Variants in DYM observed in about 807,000 individuals in gnomAD.
DYM encodes the protein dymeclin, also known as dyggve-Melchior-Clausen syndrome protein.
In DYM, 78 loss-of-function variants were observed where a neutral mutation model predicts 93.1. The ratio of observed to expected loss-of-function variants is 0.84; its 90% CI spans 0.70 to 1.01. The LOEUF (loss-of-function observed/expected upper bound fraction) is 1.01. Ranked by LOEUF, DYM falls within the 50% of genes least tolerant of loss-of-function variation. The probability of loss-of-function intolerance (pLI) is 0.00; values close to 1 mark genes in which losing one functional copy is unlikely to be tolerated. For synonymous variants in DYM, 321 were observed against 319.7 expected (o/e 1.00, Z -0.04); for missense variants, 789 against 845.0 (o/e 0.93, Z 0.82).
At chr18:49,073,828 A>G (rs1168142576) in intron 17 of DYM, among the ~76,000 whole-genome samples, 1 of 151,984 alleles carries the variant, frequency 6.6e-6, no homozygotes, top group Non-Finnish European at 1.5e-5. Flanking sequence ...CACAAGACAC[A>G]TTCTTTTTTT....
intron 17 of DYM, among the ~76,000 whole-genome samples, chr18:49,066,170 T>C (rs915233359): frequency 1.3e-4 from 19 of 148,390 alleles, no homozygotes. Flanking sequence ...CACCAACCTA[T>C]AGCAGAAGGT....
intron 13 of DYM, among the ~76,000 whole-genome samples, chr18:49,235,473 GATGTA>G (rs951659862): frequency 6.6e-6 from 1 of 151,866 alleles, no homozygotes; most frequent in African/African-American, 2.4e-5. Context: ...TTTAAAAATA[GATGTA>G]ATGATATAAG....
intron 8 of DYM, among the ~76,000 whole-genome samples, chr18:49,309,788 T>G (rs1244963054): frequency 6.6e-6 from 1 of 152,120 alleles, no homozygotes; most frequent in Non-Finnish European, 1.5e-5. Context: ...AAAAGGATCC[T>G]TAGGGGAATA....
intron 13 of DYM, among the ~76,000 whole-genome samples, chr18:49,249,304 G>C (rs1046074270): frequency 2.0e-5 from 3 of 150,206 alleles, no homozygotes; most frequent in Non-Finnish European, 2.9e-5. Context: ...ATCATTAAAT[G>C]GACTTTTTAA....
At chr18:49,245,818 G>A (rs1300688980) in intron 13 of DYM, among the ~76,000 whole-genome samples, 3 of 152,086 alleles carry the variant, frequency 2.0e-5, no homozygotes, top group Non-Finnish European at 4.4e-5. Flanking sequence ...AGCTCAGGTG[G>A]GTATCACAGA....
At chr18:49,080,632 C>G (rs1259727316) in intron 17 of DYM, among the ~76,000 whole-genome samples, 1 of 140,684 alleles carries the variant, frequency 7.1e-6, no homozygotes, top group Non-Finnish European at 1.6e-5. Context: ...GCTGGCCGGG[C>G]GGGGGGCTGA....
chr18:49,179,627 A>G (rs1384030786), intron 14 of DYM, among the ~76,000 whole-genome samples: 1 of 152,154 alleles, frequency 6.6e-6, no homozygotes, highest in East Asian at 1.9e-4. Flanking sequence ...CTATTACACA[A>G]CAAATACAGG....
chr18:49,299,651 A>G (rs1245743517), intron 8 of DYM, among the ~76,000 whole-genome samples: 1 of 152,194 alleles, frequency 6.6e-6, no homozygotes, highest in Non-Finnish European at 1.5e-5. Context: ...TTGTACTCCT[A>G]GGATCTAGCA....
At chr18:49,080,550 G>A (rs1160942539) in intron 17 of DYM, among the ~76,000 whole-genome samples, 11 of 130,218 alleles carry the variant, frequency 8.4e-5, no homozygotes, top group East Asian at 2.5e-4. Flanking sequence ...GGGCAGAGGC[G>A]CCCCTCACCT....
intron 9 of DYM, 110 bp from the exon 10 acceptor site, chr18:49,282,285 CACT>C: frequency 2.8e-6 from 3 of 1,086,008 alleles, no homozygotes; most frequent in Non-Finnish European, 4.1e-6. Flanking sequence ...TATGGAAAGT[CACT>C]ACATTTCAGA....
chr18:49,454,307 G>A (rs2082781156), intron 1 of DYM, among the ~76,000 whole-genome samples: 2 of 152,180 alleles, frequency 1.3e-5, no homozygotes, highest in Admixed American at 1.3e-4. Flanking sequence ...TCTTTTTAAT[G>A]AAAAGCAGCC....
intron 14 of DYM, among the ~76,000 whole-genome samples, chr18:49,165,843 C>G (rs574283663): frequency 6.6e-6 from 1 of 152,196 alleles, no homozygotes; most frequent in Non-Finnish European, 1.5e-5. Context: ...ATGAAGGTCA[C>G]CTTAGGCCCT....
At chr18:49,258,938 A>G (rs1201648713) in intron 11 of DYM, among the ~76,000 whole-genome samples, 2 of 149,506 alleles carry the variant, frequency 1.3e-5, no homozygotes, top group South Asian at 2.2e-4. Context: ...ATAGCAGCCA[A>G]ATCTGGGCTG....
At position 49,286,585 on chromosome 18, in the gene DYM, A is replaced by G. The variant is rs553794560; in HGVS notation, c.795T>C (p.Gly265=). ...TGLWTVFTLG[G]VGSKAAASPE... ...GAGAGGCAGCCGCTTTGCTGCCCAC[A>G]CCACCTAGTGTGAAGACAGTCCAGA... The change falls in exon 9 of 18, where the codon GGT becomes GGC. Residue 265 remains glycine, a synonymous_variant. Coordinates refer to ENST00000675505, the MANE Select transcript of DYM (RefSeq NM_001353214.3). 6.2e-7 allele frequency: 1 copy of G among 1,614,058 alleles called. No individual in the cohort carries two copies. Among genetic ancestry groups the G allele is most frequent in the South Asian group, 1.1e-5 (1 of 91,082 alleles).
In DYM at chr18:49,342,666, T is replaced by C. The variant is rs567211666; in HGVS notation, c.495-8813A>G. Among the ~76,000 whole-genome samples, 114 of 152,344 alleles carry C rather than the reference T, an allele frequency of 7.5e-4. 2 individuals are homozygous for C. The highest frequency in any genetic ancestry group is 2.7e-3 in the African/African-American group (113 of 41,582). On this transcript the variant is annotated intron_variant, in intron 6 of 17. Coordinates refer to ENST00000675505, the MANE Select transcript of DYM (RefSeq NM_001353214.3). ...CCCATAACAGTATGTCAGTCAACAATGGACCACATATATGATAATGCTTCC... is the reference window on the plus strand; with the variant it reads ...CCCATAACAGTATGTCAGTCAACAACGGACCACATATATGATAATGCTTCC...
intron 3 of DYM, among the ~76,000 whole-genome samples, chr18:49,380,088 T>C (rs2147709237): frequency 6.6e-6 from 1 of 152,248 alleles, no homozygotes; most frequent in East Asian, 1.9e-4. Context: ...AGGAGATTTT[T>C]AAAAACTCAA....
intron 1 of DYM, among the ~76,000 whole-genome samples, chr18:49,443,486 T>C (rs1458741852): frequency 6.6e-6 from 1 of 152,238 alleles, no homozygotes; most frequent in Non-Finnish European, 1.5e-5. Flanking sequence ...AGTACTCTGA[T>C]GTCACACTTG....
At position 49,039,548 on chromosome 18, in the gene DYM, T is replaced by G. The variant is rs368476274; in HGVS notation, c.*4507A>C. Among the ~76,000 whole-genome samples the G allele has an allele frequency of 6.6e-6, 1 of 152,160 alleles. No homozygotes were observed. The highest frequency in any genetic ancestry group is 6.5e-5 in the Admixed American group (1 of 15,284). On this transcript the variant is annotated 3_prime_UTR_variant, in exon 18 of 18. Transcript: ENST00000675505. ...CCTGCATGTCTGAGCAGGTCAGACA[T>G]GCTCACTGTACCCTTTAAGTCTCTT...
chr18:49,081,608 C>T (rs2078046246), intron 17 of DYM, among the ~76,000 whole-genome samples: 1 of 151,872 alleles, frequency 6.6e-6, no homozygotes, highest in Non-Finnish European at 1.5e-5. Flanking sequence ...GAACTGAAAA[C>T]TCTGTATTTT....
Sources: gnomAD v4.1 joint callset for allele counts (sites outside exome capture counted in the v4.1 genomes callset) on GRCh38, gnomAD v4.1.1 for gene constraint, MANE v1.5 for transcripts, NCBI Gene and HGNC (gene_info 2026-07-23, HGNC 2026-07-21) for gene names.